CSNK2A2IP: variants seen among roughly 807,000 people sequenced by gnomAD.
CSNK2A2IP encodes casein kinase II subunit alpha'-interacting protein.
At chr3:88,416,696 T>C in the CSNK2A2IP span, among the ~76,000 whole-genome samples, 6 of 152,208 alleles carry the variant, frequency 3.9e-5, no homozygotes, top group African/African-American at 1.4e-4. Flanking sequence ...GATGGAATGA[T>C]GCTCAGTTCA....
At chr3:88,355,378 T>G in the CSNK2A2IP span, among the ~76,000 whole-genome samples, 1,149 of 152,240 alleles carry the variant, frequency 7.5e-3, 26 homozygotes, top group East Asian at 0.059. Context: ...ATGGAGCTCC[T>G]GCCCAGAGTC....
At chr3:88,442,021 TA>T in the CSNK2A2IP span, among the ~76,000 whole-genome samples, 1 of 152,176 alleles carries the variant, frequency 6.6e-6, no homozygotes, top group African/African-American at 2.4e-5. Context: ...TGAGAAACTT[TA>T]AAAAATGAAT....
At chr3:88,391,828 A>G in the CSNK2A2IP span, among the ~76,000 whole-genome samples, 2 of 152,152 alleles carry the variant, frequency 1.3e-5, no homozygotes, top group Non-Finnish European at 2.9e-5. Context: ...ATAGCTTGGG[A>G]AGTCATTGTA....
At chr3:88,352,787 G>C in the CSNK2A2IP span, among the ~76,000 whole-genome samples, 1 of 151,746 alleles carries the variant, frequency 6.6e-6, no homozygotes, top group African/African-American at 2.4e-5. Flanking sequence ...AGACTAAGAG[G>C]GCAAACAACC....
At chr3:88,414,867 G>C in the CSNK2A2IP span, among the ~76,000 whole-genome samples, 1 of 151,934 alleles carries the variant, frequency 6.6e-6, no homozygotes, top group South Asian at 2.1e-4. Flanking sequence ...GACGAGCATA[G>C]AGTCTAATGT....
the CSNK2A2IP span, among the ~76,000 whole-genome samples, chr3:88,416,137 G>A: frequency 3.5e-4 from 53 of 151,868 alleles, no homozygotes; most frequent in African/African-American, 1.3e-3. Context: ...CTGGTGTGGT[G>A]GCACGCGCCT....
At chr3:88,346,544 AT>A in the CSNK2A2IP span, among the ~76,000 whole-genome samples, 1 of 151,914 alleles carries the variant, frequency 6.6e-6, no homozygotes, top group Non-Finnish European at 1.5e-5. Context: ...ATTATGCTAA[AT>A]TTACTCTTCC....
chr3:88,410,960 G>A, the CSNK2A2IP span, among the ~76,000 whole-genome samples: 2 of 151,920 alleles, frequency 1.3e-5, no homozygotes, highest in African/African-American at 4.8e-5. Context: ...ACTGCTGATT[G>A]AGTAAGAAAT....
At chr3:88,396,411 C>G in the CSNK2A2IP span, among the ~76,000 whole-genome samples, 1 of 151,976 alleles carries the variant, frequency 6.6e-6, no homozygotes, top group Non-Finnish European at 1.5e-5. Context: ...GGCCGACTAC[C>G]TACTTCTTTA....
At chr3:88,364,444 C>T in the CSNK2A2IP span, among the ~76,000 whole-genome samples, 1 of 151,212 alleles carries the variant, frequency 6.6e-6, no homozygotes, top group Non-Finnish European at 1.5e-5. Context: ...AATGTTAGGG[C>T]AGACATAAAA....
At chr3:88,385,385 C>A in the CSNK2A2IP span, among the ~76,000 whole-genome samples, 2 of 152,004 alleles carry the variant, frequency 1.3e-5, no homozygotes, top group South Asian at 4.1e-4. Context: ...ACATTTAGGT[C>A]TTTTGTGACC....
At chr3:88,370,600 C>CTTTCTT in the CSNK2A2IP span, among the ~76,000 whole-genome samples, 1 of 114,930 alleles carries the variant, frequency 8.7e-6, no homozygotes, top group African/African-American at 2.6e-5. Context: ...TTCTTTCTTT[C>CTTTCTT]TCTCTCTCTC....
chr3:88,384,663 G>A, the CSNK2A2IP span, among the ~76,000 whole-genome samples: 1 of 152,188 alleles, frequency 6.6e-6, no homozygotes, highest in Non-Finnish European at 1.5e-5. Flanking sequence ...TTTTAAAAGT[G>A]AACAATTTTT....
At chr3:88,461,120 T>C in the CSNK2A2IP span, among the ~76,000 whole-genome samples, 1 of 152,120 alleles carries the variant, frequency 6.6e-6, no homozygotes, top group African/African-American at 2.4e-5. Context: ...ATTTTGTAGT[T>C]GTATCGTGCT....
chr3:88,377,779 G>A, the CSNK2A2IP span, among the ~76,000 whole-genome samples: 1 of 151,826 alleles, frequency 6.6e-6, no homozygotes, highest in African/African-American at 2.4e-5. Context: ...GTTGGGCAGT[G>A]TTACATCTGG....
chr3:88,377,634 T>G, the CSNK2A2IP span, among the ~76,000 whole-genome samples: 1 of 151,914 alleles, frequency 6.6e-6, no homozygotes, highest in Admixed American at 6.6e-5. Context: ...TACTGCATGC[T>G]AAGCACTCAT....
chr3:88,425,100 T>C, the CSNK2A2IP span, among the ~76,000 whole-genome samples: 1 of 152,070 alleles, frequency 6.6e-6, no homozygotes, highest in Non-Finnish European at 1.5e-5. Context: ...AAAATTATTC[T>C]TCTAAATAAT....
chr3:88,402,437 A>T, the CSNK2A2IP span, among the ~76,000 whole-genome samples: 1 of 152,066 alleles, frequency 6.6e-6, no homozygotes, highest in Non-Finnish European at 1.5e-5. Context: ...AAACTCTTGC[A>T]TATGTGCACA....
the CSNK2A2IP span, among the ~76,000 whole-genome samples, chr3:88,347,676 A>G: frequency 2.0e-5 from 3 of 152,034 alleles, no homozygotes; most frequent in Admixed American, 1.3e-4. Flanking sequence ...CATTATTTTG[A>G]CTCACTTTAT....
Sources: allele counts gnomAD v4.1 joint callset (sites outside exome capture counted in the v4.1 genomes callset), GRCh38; gene constraint gnomAD v4.1.1; transcripts MANE v1.5; gene names NCBI Gene and HGNC (gene_info 2026-07-23, HGNC 2026-07-21).